The following CDH13 variants were observed in gnomAD, a reference collection of about 807,000 sequenced individuals.
The protein encoded by CDH13 is cadherin-13.
A neutral mutation model predicts 63.8 loss-of-function variants in CDH13; 24 were observed. The ratio of observed to expected loss-of-function variants is 0.38; its 90% CI spans 0.27 to 0.53. The LOEUF is 0.53. Among genes scored for constraint, CDH13 ranks in the 20% least tolerant of loss-of-function variants. The pLI, the probability that CDH13 is intolerant of heterozygous loss-of-function variation, is 0.85. For missense variants in CDH13, 1,049 were observed against 903.1 expected (o/e 1.16, Z -2.07); for synonymous variants, 503 against 355.3 (o/e 1.42, Z -4.67).
At chr16:82,700,057 G>C (rs914566425) in intron 1 of CDH13, among the ~76,000 whole-genome samples, 5 of 135,614 alleles carry the variant, frequency 3.7e-5, no homozygotes, top group Non-Finnish European at 7.6e-5. Flanking sequence ...TCTTTACTAG[G>C]GTGACACAAA....
chr16:83,485,801 G>C (rs970511026), intron 6 of CDH13, among the ~76,000 whole-genome samples: 2 of 152,064 alleles, frequency 1.3e-5, no homozygotes, highest in African/African-American at 4.8e-5. Flanking sequence ...TTGTACTCCT[G>C]TTTCCCCAAC....
chr16:82,871,227 T>C (rs1270637895), intron 2 of CDH13, among the ~76,000 whole-genome samples: 1 of 152,174 alleles, frequency 6.6e-6, no homozygotes, highest in Non-Finnish European at 1.5e-5. Context: ...TTTGAATTGT[T>C]GATACAGGTA....
chr16:83,159,328 T>C (rs1480300482), intron 4 of CDH13, among the ~76,000 whole-genome samples: 1 of 152,380 alleles, frequency 6.6e-6, no homozygotes, highest in East Asian at 1.9e-4. Context: ...AGAGAGATTA[T>C]TACAAAGCCT....
In CDH13 at chr16:82,681,179, CAGA is replaced by C. The variant is rs1914503576; in HGVS notation, c.45+54048_45+54050del. On this transcript the variant is annotated intron_variant, in intron 1 of 13. Coordinates refer to ENST00000567109, the MANE Select transcript of CDH13 (RefSeq NM_001257.5). ...TCCACGTGATAAAATATTATTCAGCCAGAAGAAGGAATGAAGTACTCTTACATG... is the reference window on the plus strand; with the variant it reads ...TCCACGTGATAAAATATTATTCAGCCAGAAGGAATGAAGTACTCTTACATG... 4.6e-5 allele frequency among the ~76,000 whole-genome samples: 7 copies of C among 152,298 alleles called. No individual in the cohort carries two copies. The South Asian group carries it at 1.5e-3, about 32-fold the overall frequency.
chr16:83,611,786 T>C (rs1023151663), intron 8 of CDH13, among the ~76,000 whole-genome samples: 5 of 152,122 alleles, frequency 3.3e-5, no homozygotes, highest in Non-Finnish European at 7.4e-5. Context: ...CTTGTGGTTT[T>C]CTAGAAGTAT....
At chr16:83,247,217 T>C (rs375662315) in intron 5 of CDH13, among the ~76,000 whole-genome samples, 4 of 152,112 alleles carry the variant, frequency 2.6e-5, no homozygotes, top group Non-Finnish European at 5.9e-5. Context: ...GGTCATTTAG[T>C]GTAAGCCCAC....
intron 1 of CDH13, among the ~76,000 whole-genome samples, chr16:82,806,324 G>C (rs2037140231): frequency 6.6e-6 from 1 of 152,066 alleles, no homozygotes; most frequent in African/African-American, 2.4e-5. Context: ...CTAGATAATA[G>C]GTCGAGTAAC....
chr16:82,991,550 A>G (rs568008496), intron 2 of CDH13, among the ~76,000 whole-genome samples: 4 of 152,188 alleles, frequency 2.6e-5, no homozygotes, highest in South Asian at 4.2e-4. Flanking sequence ...AAACAACCAG[A>G]CTACTGCAAT....
At chr16:83,004,807 T>G (rs1294086229) in intron 2 of CDH13, among the ~76,000 whole-genome samples, 1 of 152,166 alleles carries the variant, frequency 6.6e-6, no homozygotes, top group Non-Finnish European at 1.5e-5. Flanking sequence ...AGGACTCATG[T>G]TTTGAAAAGG....
chr16:83,453,067 A>G (rs1294729599), intron 6 of CDH13, among the ~76,000 whole-genome samples: 3 of 152,358 alleles, frequency 2.0e-5, no homozygotes, highest in East Asian at 1.9e-4. Flanking sequence ...GATGGCATTC[A>G]CAGCCACCTG....
chr16:83,007,251 T>A (rs766432006), intron 2 of CDH13, among the ~76,000 whole-genome samples: 31 of 152,306 alleles, frequency 2.0e-4, no homozygotes, highest in African/African-American at 4.6e-4. Context: ...CATAGTGATG[T>A]TATGTTCATT....
intron 8 of CDH13, among the ~76,000 whole-genome samples, chr16:83,603,754 C>G (rs1345483252): frequency 6.6e-6 from 1 of 152,136 alleles, no homozygotes; most frequent in Non-Finnish European, 1.5e-5. Flanking sequence ...TTCATTCTCA[C>G]ACTGCTATAA....
intron 2 of CDH13, among the ~76,000 whole-genome samples, chr16:83,018,681 A>G (rs1567749705): frequency 1.3e-5 from 2 of 152,232 alleles, no homozygotes; most frequent in African/African-American, 2.4e-5. Flanking sequence ...CATTGTTGGA[A>G]CATCACAGAG....
In CDH13 at chr16:83,360,471, CT is replaced by C. The variant is rs200858405; in HGVS notation, c.781+15476del. Among the ~76,000 whole-genome samples, 717 of 144,172 alleles carry C rather than the reference CT, an allele frequency of 5.0e-3. 4 individuals are homozygous for C. The highest frequency in any genetic ancestry group is 0.025 in the East Asian group (124 of 4,950). The allele number at this position is 144,172 out of a possible 152,430, so 94.6% of individuals were successfully genotyped here. A position where few individuals can be genotyped will look rare whatever the true frequency, so the allele number is the denominator to read the frequency against. ...TATCTGCTTTTTCTATAATCTCAAC[CT>C]TTTTTTTTTTGGATTTGGGCATACA... On this transcript the variant is annotated intron_variant, in intron 6 of 13. Transcript: ENST00000567109.
At chr16:83,773,063 G>C (rs1914864275) in intron 11 of CDH13, 1 of 152,180 alleles carries the variant, frequency 6.6e-6, no homozygotes, top group South Asian at 2.1e-4. Context: ...GTTTGCTAAT[G>C]GGTGTTTACT....
intron 7 of CDH13, among the ~76,000 whole-genome samples, chr16:83,514,841 T>C (rs949312777): frequency 3.3e-5 from 5 of 152,124 alleles, no homozygotes; most frequent in African/African-American, 1.2e-4. Flanking sequence ...AAGGAAGGAC[T>C]CTTGTAGATG....
chr16:83,329,702 G>C (rs575645435), intron 5 of CDH13, among the ~76,000 whole-genome samples: 6 of 152,128 alleles, frequency 3.9e-5, no homozygotes, highest in Non-Finnish European at 5.9e-5. Context: ...GTGTCCTTGA[G>C]AGTCACCATT....
intron 3 of CDH13, among the ~76,000 whole-genome samples, chr16:83,035,042 G>T (rs1377390795): frequency 6.6e-6 from 1 of 151,968 alleles, no homozygotes; most frequent in Admixed American, 6.6e-5. Flanking sequence ...TTTGAAAAAA[G>T]GCTTTGTGAA....
chr16:82,835,364 T>G (rs953728355), intron 1 of CDH13, among the ~76,000 whole-genome samples: 1 of 152,194 alleles, frequency 6.6e-6, no homozygotes, highest in East Asian at 1.9e-4. Context: ...TGGTCTCTTC[T>G]TCCTTTTTAA....
Sources: gnomAD v4.1 joint callset for allele counts (sites outside exome capture counted in the v4.1 genomes callset) on GRCh38, gnomAD v4.1.1 for gene constraint, MANE v1.5 for transcripts, NCBI Gene and HGNC (gene_info 2026-07-23, HGNC 2026-07-21) for gene names.